SGMS2: variants seen among roughly 807,000 people sequenced by gnomAD.
SGMS2 encodes sphingomyelin synthase 2, also known as phosphatidylcholine:ceramide cholinephosphotransferase 2.
In SGMS2, 21 loss-of-function variants were observed where a neutral mutation model predicts 43.8. That is an observed-to-expected ratio of 0.48 (90% CI 0.34 to 0.69). The LOEUF is 0.69. Among genes scored for constraint, SGMS2 ranks in the 30% least tolerant of loss-of-function variants. The pLI, the probability that SGMS2 is intolerant of heterozygous loss-of-function variation, is 0.01. For synonymous variants in SGMS2, 167 were observed against 160.6 expected, an observed-to-expected ratio of 1.04 and a Z score of -0.30; for missense variants, 384 against 443.2, an observed-to-expected ratio of 0.87 and a Z score of 1.20.
At chr4:107,852,217 T>A (rs1432305919) in intron 1 of SGMS2, among the ~76,000 whole-genome samples, 1 of 151,788 alleles carries the variant, frequency 6.6e-6, no homozygotes, top group Non-Finnish European at 1.5e-5. Context: ...TACAGGTGCC[T>A]GCCATCACTT....
intron 1 of SGMS2, among the ~76,000 whole-genome samples, chr4:107,835,094 A>T (rs1384932578): frequency 6.6e-6 from 1 of 152,178 alleles, no homozygotes; most frequent in Non-Finnish European, 1.5e-5. Flanking sequence ...CCCTGTGATA[A>T]CAATCCTATA....
intron 1 of SGMS2, among the ~76,000 whole-genome samples, chr4:107,847,294 G>A (rs1460451044): frequency 1.3e-5 from 2 of 152,116 alleles, no homozygotes; most frequent in Non-Finnish European, 2.9e-5. Flanking sequence ...TTTTGTATAA[G>A]GTGTAAGGAA....
chr4:107,881,157 G>A (rs940569288), intron 2 of SGMS2, among the ~76,000 whole-genome samples: 4 of 151,852 alleles, frequency 2.6e-5, no homozygotes, highest in African/African-American at 9.7e-5. Flanking sequence ...TATAAAGACT[G>A]AAGAATTGCC....
chr4:107,856,147 C>T (rs1173844533), intron 1 of SGMS2, among the ~76,000 whole-genome samples: 1 of 152,148 alleles, frequency 6.6e-6, no homozygotes, highest in Non-Finnish European at 1.5e-5. Context: ...CTCTGTGATT[C>T]TACATTAATC....
In SGMS2 at chr4:107,908,569, G is replaced by T. The variant is rs771804582; in HGVS notation, c.732G>T (p.Ser244=). ...TLTYLFIKEY[S]PRHFWWYHLI... ...TGTAATTTTTCTACTGTCCAGATTCGCCTCGTCACTTCTGGTGGTATCATT... is the reference window on the plus strand; with the variant it reads ...TGTAATTTTTCTACTGTCCAGATTCTCCTCGTCACTTCTGGTGGTATCATT... The change falls in exon 6 of 7, where the codon TCG becomes TCT. Residue 244 remains serine (S), a synonymous_variant. Coordinates refer to ENST00000690982, the MANE Select transcript of SGMS2 (RefSeq NM_001375905.1). 6.2e-7 allele frequency: 1 copy of T among 1,612,348 alleles called. No individual in the cohort carries two copies. The highest frequency in any genetic ancestry group is 8.5e-7 in the Non-Finnish European group (1 of 1,179,330).
At chr4:107,824,731 C>T (rs1725468374), upstream of SGMS2, 1 of 152,222 alleles carries the variant, frequency 6.6e-6, no homozygotes, top group Non-Finnish European at 1.5e-5. Context: ...GTTTTTCGAG[C>T]TCCACTCTGC....
Position 107,898,751 on chromosome 4 carries a change from A to C in SGMS2, c.456-824A>C, listed in dbSNP as rs112389977. Among the ~76,000 whole-genome samples the C allele has an allele frequency of 8.7e-4, 133 of 152,310 alleles. 2 individuals are homozygous for C. Among genetic ancestry groups the C allele is most frequent in the African/African-American group, 3.1e-3 (127 of 41,574 alleles). On this transcript the variant is annotated intron_variant, in intron 3 of 6. Transcript: ENST00000690982. ...AGAGCCCTTCCCTTTTGAAGACAGG[A>C]TCCTCCGTCATCCACTGGGAAGCCT...
intron 1 of SGMS2, among the ~76,000 whole-genome samples, chr4:107,827,610 T>A (rs1434478482): frequency 6.6e-6 from 1 of 152,212 alleles, no homozygotes; most frequent in Non-Finnish European, 1.5e-5. Context: ...AAGTGATAGC[T>A]CTTCAGTTTA....
intron 2 of SGMS2, among the ~76,000 whole-genome samples, chr4:107,882,236 A>T (rs1729416018): frequency 6.6e-6 from 1 of 152,196 alleles, no homozygotes; most frequent in Admixed American, 6.5e-5. Context: ...AACAGTGTAC[A>T]AGGATTCCCC....
chr4:107,825,401 T>G (rs1185982320), intron 1 of SGMS2, 148 bp downstream of exon 1: 2 of 152,100 alleles, frequency 1.3e-5, no homozygotes, highest in African/African-American at 4.8e-5. Flanking sequence ...CTTCCTCGAT[T>G]TTGTGGTCTG....
chr4:107,825,786 A>AC (rs1328202671), intron 1 of SGMS2, among the ~76,000 whole-genome samples: 3 of 151,610 alleles, frequency 2.0e-5, no homozygotes, highest in African/African-American at 7.3e-5. Flanking sequence ...GGGGCGGGGA[A>AC]CCCCTGTCAA....
chr4:107,906,957 G>C (rs1731628933), intron 5 of SGMS2, among the ~76,000 whole-genome samples: 1 of 152,190 alleles, frequency 6.6e-6, no homozygotes, highest in Non-Finnish European at 1.5e-5. Context: ...GAGGCGGGTA[G>C]GGTCTGAGGT....
intron 1 of SGMS2, among the ~76,000 whole-genome samples, chr4:107,858,012 C>CT (rs1210319153): frequency 6.6e-6 from 1 of 151,716 alleles, no homozygotes; most frequent in Non-Finnish European, 1.5e-5. Context: ...GCTGCCCCAC[C>CT]CCCCCCATCC....
chr4:107,884,508 G>GA (rs1729591705), intron 2 of SGMS2, among the ~76,000 whole-genome samples: 1 of 146,172 alleles, frequency 6.8e-6, no homozygotes, highest in Non-Finnish European at 1.5e-5. Context: ...AAAGGGGGGG[G>GA]AAATGTGAAA....
rs149647259 is a variant in SGMS2, at chr4:107,895,198, T to C, written c.-244-112T>C. ...TTTAACTAGGTTCTGACGTTACATT[T>C]ATAAAGCAAATGGCTTTGGTATTTG... On this transcript the variant is annotated intron_variant, in intron 2 of 6. Coordinates refer to ENST00000690982, the MANE Select transcript of SGMS2 (RefSeq NM_001375905.1). 236 of 204,700 alleles carry C rather than the reference T, an allele frequency of 1.2e-3. 2 individuals are homozygous for C. Among genetic ancestry groups the C allele is most frequent in the African/African-American group, 5.3e-3 (227 of 43,188 alleles). The allele number at this position is 204,700 out of a possible 1,614,324, so 12.7% of individuals were successfully genotyped here.
chr4:107,887,538 T>G (rs1049009962), intron 2 of SGMS2, among the ~76,000 whole-genome samples: 2 of 152,198 alleles, frequency 1.3e-5, no homozygotes, highest in Non-Finnish European at 2.9e-5. Flanking sequence ...TTCTGCATAA[T>G]TTTTATACCA....
chr4:107,872,488 C>T (rs1010380711), intron 2 of SGMS2, among the ~76,000 whole-genome samples: 1 of 152,080 alleles, frequency 6.6e-6, no homozygotes, highest in African/African-American at 2.4e-5. Context: ...ACATAGTTGG[C>T]ACTCACTAAA....
chr4:107,861,360 C>T (rs939938953), intron 2 of SGMS2, among the ~76,000 whole-genome samples: 3 of 152,094 alleles, frequency 2.0e-5, no homozygotes, highest in African/African-American at 2.4e-5. Flanking sequence ...GACCTAAATT[C>T]GATTTTGAGA....
intron 2 of SGMS2, among the ~76,000 whole-genome samples, chr4:107,891,784 A>G (rs1339262506): frequency 1.3e-5 from 2 of 151,990 alleles, no homozygotes; most frequent in Admixed American, 1.3e-4. Flanking sequence ...CCCCACCCTA[A>G]TGTTTTATTA....
Sources: allele counts gnomAD v4.1 joint callset (sites outside exome capture counted in the v4.1 genomes callset), GRCh38; gene constraint gnomAD v4.1.1; transcripts MANE v1.5; gene names NCBI Gene and HGNC (gene_info 2026-07-23, HGNC 2026-07-21).